The following SRGAP3 variants were observed in gnomAD, a reference collection of about 807,000 sequenced individuals.
The protein encoded by SRGAP3 is SLIT-ROBO Rho GTPase activating protein 3.
SRGAP3 carries 39 observed loss-of-function variants against 121.1 expected under a neutral mutation model. The observed-to-expected ratio is 0.32, with a 90% CI of 0.25 to 0.42. The LOEUF (loss-of-function observed/expected upper bound fraction) is 0.42. Among genes scored for constraint, SRGAP3 ranks in the 10% least tolerant of loss-of-function variants. The pLI is 1.00. For synonymous variants in SRGAP3, 601 were observed against 570.0 expected (o/e 1.05, Z -0.77); for missense variants, 1,213 against 1,470.6 (o/e 0.82, Z 2.86).
At chr3:9,148,666 A>G (rs576761561) in intron 1 of SRGAP3, among the ~76,000 whole-genome samples, 1 of 152,286 alleles carries the variant, frequency 6.6e-6, no homozygotes, top group African/African-American at 2.4e-5. Flanking sequence ...AGATATCAGA[A>G]GCCTGGGACG....
intron 3 of SRGAP3, among the ~76,000 whole-genome samples, chr3:9,092,851 G>A (rs1054141965): frequency 1.3e-5 from 2 of 152,130 alleles, no homozygotes; most frequent in African/African-American, 4.8e-5. Context: ...CGAGGTAGCT[G>A]GGGATGGTGT....
At chr3:9,007,590 G>C (rs991019980) in intron 18 of SRGAP3, 44 of 152,172 alleles carry the variant, frequency 2.9e-4, no homozygotes, top group African/African-American at 1.0e-3. Context: ...TTTTCTATCA[G>C]GATTAGGAAG....
At chr3:9,203,811 T>C (rs992600809) in intron 1 of SRGAP3, among the ~76,000 whole-genome samples, 2 of 152,236 alleles carry the variant, frequency 1.3e-5, no homozygotes, top group African/African-American at 2.4e-5. Context: ...TGTGTTCACA[T>C]AGCCCTTTAC....
chr3:9,062,855 T>C (rs148432324), intron 5 of SRGAP3, among the ~76,000 whole-genome samples: 99 of 152,334 alleles, frequency 6.5e-4, no homozygotes, highest in African/African-American at 1.9e-3. Flanking sequence ...TGAATGGACA[T>C]ATGTTTTTAT....
chr3:9,252,516 G>A (rs1954040629), upstream of SRGAP3, among the ~76,000 whole-genome samples: 1 of 152,158 alleles, frequency 6.6e-6, no homozygotes, highest in South Asian at 2.1e-4. Context: ...TAGGACTAGA[G>A]CTTGGTCTCC....
intron 1 of SRGAP3, among the ~76,000 whole-genome samples, chr3:9,139,045 A>C (rs1949762124): frequency 6.6e-6 from 1 of 152,156 alleles, no homozygotes; most frequent in African/African-American, 2.4e-5. Flanking sequence ...CACACCCCAA[A>C]GCTGTACCAG....
intron 1 of SRGAP3, among the ~76,000 whole-genome samples, chr3:9,125,303 G>T (rs1949181570): frequency 6.6e-6 from 1 of 152,142 alleles, no homozygotes; most frequent in Non-Finnish European, 1.5e-5. Context: ...TGAAACACTA[G>T]GACCCCTTGC....
chr3:9,032,717 C>T lies in SRGAP3; in HGVS notation c.1472G>A (p.Arg491Lys). 1 of 1,612,996 alleles carries T rather than the reference C, an allele frequency of 6.2e-7. No homozygotes were observed. The highest frequency in any genetic ancestry group is 2.2e-5 in the East Asian group (1 of 44,808). Residue 491 changes from arginine to lysine, a missense_variant, in exon 12 of 22, where the codon AGG becomes AAG. By Grantham distance (26) the Arg-to-Lys change is conservative. Around this residue, in one of 2 missense-constraint regions of SRGAP3, gnomAD observed 793 missense variants for 1,032.9 expected, o/e 0.77. Transcript: ENST00000383836. ...PCLPPKPQKM[R>K]RPRPLSVYSH... ...ATACACTGAGAGAGGCCTAGGTCTC[C>T]TCATTTTCTGTGGTTTAGGGGGAAG... is the stretch of plus-strand genomic sequence containing the variant.
At chr3:9,087,143 G>A (rs1474747905) in intron 3 of SRGAP3, among the ~76,000 whole-genome samples, 2 of 152,068 alleles carry the variant, frequency 1.3e-5, no homozygotes, top group Non-Finnish European at 2.9e-5. Flanking sequence ...TGTGTTTGCT[G>A]AATGAATCTA....
At chr3:9,277,643 G>C (rs1336019187) in intron 3 of SRGAP3, among the ~76,000 whole-genome samples, 1 of 150,632 alleles carries the variant, frequency 6.6e-6, no homozygotes, top group Non-Finnish European at 1.5e-5. Context: ...AGCCAGGTGT[G>C]GTGGCACACA....
intron 1 of SRGAP3, among the ~76,000 whole-genome samples, chr3:9,243,284 G>A (rs1285649895): frequency 6.6e-6 from 1 of 152,088 alleles, no homozygotes; most frequent in Non-Finnish European, 1.5e-5. Flanking sequence ...GGTAAGGAGA[G>A]TAAAGGCACA....
chr3:8,989,810 C>G (rs1401965187), intron 21 of SRGAP3, among the ~76,000 whole-genome samples: 1 of 152,244 alleles, frequency 6.6e-6, no homozygotes, highest in African/African-American at 2.4e-5. Flanking sequence ...ACCCTCTAAG[C>G]ACTTGAGAAG....
intron 8 of SRGAP3, among the ~76,000 whole-genome samples, chr3:9,053,431 C>T (rs1272191709): frequency 1.3e-5 from 2 of 152,210 alleles, no homozygotes; most frequent in African/African-American, 2.4e-5. Context: ...GGATGAAAAG[C>T]CAGGTTGCCC....
chr3:9,249,411 C>T lies in SRGAP3; in HGVS notation c.-460G>A, dbSNP rs1953940656. ...ACACGCACACACACTCGCTGGATCA[C>T]TCACACACACACATCCACGAGAGGC... On this transcript the variant is annotated 5_prime_UTR_variant, in exon 1 of 22. It adds an upstream start codon to the 5' untranslated region. Transcript: ENST00000383836. 1 of 265,056 alleles carries T rather than the reference C, an allele frequency of 3.8e-6. No homozygotes were observed. Among genetic ancestry groups the T allele is most frequent in the South Asian group, 1.0e-4 (1 of 10,012 alleles). 16.4% of individuals were successfully genotyped at this position (265,056 alleles called of 1,614,324 possible).
intron 4 of SRGAP3, among the ~76,000 whole-genome samples, chr3:9,074,113 A>G (rs1946846695): frequency 6.6e-6 from 1 of 152,178 alleles, no homozygotes; most frequent in South Asian, 2.1e-4. Context: ...CATCACAGAG[A>G]GCAGGCCCGG....
At chr3:9,068,895 A>C (rs185693853) in intron 4 of SRGAP3, among the ~76,000 whole-genome samples, 52 of 152,320 alleles carry the variant, frequency 3.4e-4, no homozygotes, top group Admixed American at 1.9e-3. Context: ...GCTAGCATCT[A>C]TTGAGCACTT....
rs115208708 is a variant in SRGAP3, at chr3:9,113,250, G to A, written c.261-8408C>T. ...TGGAGGCTGGAAGTCCGAGATCAAG[G>A]TGTCGGCAGGGTTGGTTCCTTCCAA... On this transcript the variant is annotated intron_variant, in intron 2 of 21. Coordinates refer to ENST00000383836, the MANE Select transcript of SRGAP3 (RefSeq NM_014850.4). Among the ~76,000 whole-genome samples the A allele has an allele frequency of 2.7e-3, 409 of 152,304 alleles. 3 individuals carry two copies. The highest frequency in any genetic ancestry group is 9.2e-3 in the African/African-American group (384 of 41,558).
chr3:9,345,802 A>AAG (rs1955879633), intron 1 of SRGAP3, among the ~76,000 whole-genome samples: 1 of 151,082 alleles, frequency 6.6e-6, no homozygotes, highest in Non-Finnish European at 1.5e-5. Context: ...AAAAAAAAAA[A>AAG]AAGAAAAGAA....
chr3:9,295,219 C>G (rs1954932616), intron 3 of SRGAP3, among the ~76,000 whole-genome samples: 1 of 152,198 alleles, frequency 6.6e-6, no homozygotes, highest in African/African-American at 2.4e-5. Context: ...AGTTTCTGCT[C>G]TGGTCTGTTG....
Sources: allele counts gnomAD v4.1 joint callset (sites outside exome capture counted in the v4.1 genomes callset), GRCh38; gene constraint gnomAD v4.1.1; regional missense constraint gnomAD v4.1.1; transcripts MANE v1.5; gene names NCBI Gene and HGNC (gene_info 2026-07-23, HGNC 2026-07-21).